Variants in CORO2B observed in about 807,000 individuals in gnomAD.
CORO2B encodes coronin-2B.
CORO2B carries 26 observed loss-of-function variants against 58.8 expected under a neutral mutation model. That is an observed-to-expected ratio of 0.44 (90% CI 0.32 to 0.61). The LOEUF is 0.61. CORO2B is among the 20% of genes least tolerant of loss of function. The probability of loss-of-function intolerance (pLI) is 0.04; values close to 1 mark genes in which losing one functional copy is unlikely to be tolerated. For missense variants in CORO2B, 460 were observed against 645.1 expected (o/e 0.71, Z 3.11); for synonymous variants, 242 against 253.8 (o/e 0.95, Z 0.44).
the CORO2B span, among the ~76,000 whole-genome samples, chr15:68,538,387 G>A: frequency 6.6e-6 from 1 of 152,220 alleles, no homozygotes; most frequent in Non-Finnish European, 1.5e-5. Flanking sequence ...CAGTACAGGA[G>A]AGTTGGGGCT....
chr15:68,718,061 G>A (rs919207114), intron 8 of CORO2B, among the ~76,000 whole-genome samples: 1 of 152,194 alleles, frequency 6.6e-6, no homozygotes, highest in African/African-American at 2.4e-5. Context: ...CCTAGATAGA[G>A]CTGTGCTCCT....
At chr15:68,594,728 G>T (rs1340718158) in intron 1 of CORO2B, among the ~76,000 whole-genome samples, 1 of 152,230 alleles carries the variant, frequency 6.6e-6, no homozygotes, top group African/African-American at 2.4e-5. Context: ...CTTTGGGTTT[G>T]AAGTGAGACA....
the CORO2B span, among the ~76,000 whole-genome samples, chr15:68,545,620 G>C: frequency 2.9e-5 from 4 of 139,432 alleles, no homozygotes; most frequent in African/African-American, 1.1e-4. Context: ...GGCGGGGGGG[G>C]TAATACTGGG....
At chr15:68,599,323 C>T (rs769668998) in intron 1 of CORO2B, among the ~76,000 whole-genome samples, 1 of 152,222 alleles carries the variant, frequency 6.6e-6, no homozygotes, top group Non-Finnish European at 1.5e-5. Context: ...GGGCAAGCCC[C>T]ATGCCCTGAG....
chr15:68,670,095 A>C (rs1902338674), intron 2 of CORO2B, among the ~76,000 whole-genome samples: 1 of 152,116 alleles, frequency 6.6e-6, no homozygotes, highest in South Asian at 2.1e-4. Context: ...GAAAAATTTA[A>C]AAATTTTTGA....
chr15:68,632,748 G>C (rs1367718829), intron 1 of CORO2B, among the ~76,000 whole-genome samples: 1 of 152,072 alleles, frequency 6.6e-6, no homozygotes, highest in Non-Finnish European at 1.5e-5. Flanking sequence ...GCGCTAGCAC[G>C]CTTGGCTAAT....
chr15:68,622,852 T>A (rs1247828154), intron 1 of CORO2B, among the ~76,000 whole-genome samples: 1 of 152,216 alleles, frequency 6.6e-6, no homozygotes, highest in Admixed American at 6.5e-5. Context: ...ATGATTCTCA[T>A]TGAACAGACT....
At chr15:68,610,260 G>A (rs73442226) in intron 1 of CORO2B, among the ~76,000 whole-genome samples, 5,568 of 152,204 alleles carry the variant, frequency 0.037, 126 homozygotes, top group South Asian at 0.092. Context: ...GGACGAGACA[G>A]GTTCTCTAGC....
At chr15:68,701,698 A>T (rs1357327623) in intron 3 of CORO2B, among the ~76,000 whole-genome samples, 1 of 151,698 alleles carries the variant, frequency 6.6e-6, no homozygotes, top group African/African-American at 2.4e-5. Flanking sequence ...GTTAGCCAGG[A>T]CGATCTCAAT....
At chr15:68,641,072 G>A (rs1224944450) in intron 1 of CORO2B, among the ~76,000 whole-genome samples, 34 of 152,252 alleles carry the variant, frequency 2.2e-4, no homozygotes, top group Non-Finnish European at 7.4e-5. Flanking sequence ...CAAAGGCCCA[G>A]CAGAGAGAAT....
intron 2 of CORO2B, among the ~76,000 whole-genome samples, chr15:68,653,677 A>G (rs1901712704): frequency 6.6e-6 from 1 of 152,176 alleles, no homozygotes; most frequent in Non-Finnish European, 1.5e-5. Flanking sequence ...AGCTCACAGC[A>G]TGTCTGAGGC....
At chr15:68,647,018 C>T (rs2140274333) in intron 2 of CORO2B, among the ~76,000 whole-genome samples, 1 of 152,310 alleles carries the variant, frequency 6.6e-6, no homozygotes. Flanking sequence ...AAACCTATCG[C>T]CGGCACCCTG....
intron 2 of CORO2B, among the ~76,000 whole-genome samples, chr15:68,686,130 C>T (rs1159907303): frequency 6.6e-6 from 1 of 150,568 alleles, no homozygotes; most frequent in African/African-American, 2.4e-5. Context: ...CTTCACCTCC[C>T]GAGTCAAGTG....
rs888686434 is a variant in CORO2B at position 68,667,780 on chromosome 15, G to A, written c.216+22420G>A. Among the ~76,000 whole-genome samples the A allele has an allele frequency of 1.2e-4, 18 of 151,910 alleles. No homozygotes were observed. In the East Asian group the frequency reaches 1.4e-3, roughly 11 times the overall value. On this transcript the variant is annotated intron_variant, in intron 2 of 11. Transcript: ENST00000261861. ...CTGAAAGAGCTAGTTCTATGTTTTA[G>A]TGGAGGGAGTTGCTGGAAAGGAAAG...
chr15:68,719,278 T>G, intron 10 of CORO2B, 44 bp downstream of exon 10: 1 of 1,602,154 alleles, frequency 6.2e-7, no homozygotes, highest in East Asian at 2.2e-5. Flanking sequence ...GGCTGCAGCC[T>G]TTGCCTTCAG....
chr15:68,703,431 G>A (rs923045695), intron 3 of CORO2B, among the ~76,000 whole-genome samples: 1 of 152,060 alleles, frequency 6.6e-6, no homozygotes, highest in Non-Finnish European at 1.5e-5. Flanking sequence ...GATTACAGGT[G>A]TGAGCCACCT....
At chr15:68,687,505 G>T (rs530970490) in intron 2 of CORO2B, among the ~76,000 whole-genome samples, 1 of 152,196 alleles carries the variant, frequency 6.6e-6, no homozygotes, top group Non-Finnish European at 1.5e-5. Context: ...AGCCACACCC[G>T]TGGACTCACC....
chr15:68,714,415 GC>G, intron 6 of CORO2B, 143 bp from the exon 7 acceptor site: 1 of 674,484 alleles, frequency 1.5e-6, no homozygotes, highest in South Asian at 1.8e-5. Flanking sequence ...AGTCAGTCTT[GC>G]CACCACCCAT....
chr15:68,673,854 A>G (rs1222739614), intron 2 of CORO2B, among the ~76,000 whole-genome samples: 1 of 151,518 alleles, frequency 6.6e-6, no homozygotes, highest in Non-Finnish European at 1.5e-5. Context: ...AAAAAAAAAA[A>G]AAAAGGACAG....
Sources: gnomAD v4.1 joint callset for allele counts (sites outside exome capture counted in the v4.1 genomes callset) on GRCh38, gnomAD v4.1.1 for gene constraint, MANE v1.5 for transcripts, NCBI Gene and HGNC (gene_info 2026-07-23, HGNC 2026-07-21) for gene names.